PAH: variants seen among roughly 807,000 people sequenced by gnomAD.
PAH encodes phenylalanine hydroxylase, also known as phenylalanine-4-hydroxylase.
PAH carries 64 observed loss-of-function variants against 62.0 expected under a neutral mutation model. The observed-to-expected ratio is 1.03, with a 90% CI of 0.84 to 1.27. PAH has a LOEUF of 1.27. PAH is among the 50% of genes most tolerant of loss of function. The pLI is 0.00. For synonymous variants in PAH, 195 were observed against 196.2 expected (o/e 0.99, Z 0.05); for missense variants, 579 against 542.8 (o/e 1.07, Z -0.66).
chr12:102,849,193 T>TG (rs1292246691), intron 8 of PAH, among the ~76,000 whole-genome samples: 1 of 152,132 alleles, frequency 6.6e-6, no homozygotes, highest in Admixed American at 6.6e-5. Context: ...AGATTGGCTG[T>TG]GGGGTTAAGA....
Position 102,912,797 on chromosome 12 carries a change from T to G in PAH, c.162A>C (p.Leu54Phe), listed in dbSNP as rs143358918. 2 of 1,607,868 alleles carry G rather than the reference T, an allele frequency of 1.2e-6. No homozygotes were observed. Among genetic ancestry groups the G allele is most frequent in the Non-Finnish European group, 1.7e-6 (2 of 1,174,342 alleles). Residue 54 changes from leucine to phenylalanine, a missense_variant, in exon 2 of 13, where the codon TTA (leucine) becomes TTC (phenylalanine). Coordinates refer to ENST00000553106, the MANE Select transcript of PAH (RefSeq NM_000277.3). ...EVGALAKVLRLFEENDVNLTH... is the reference protein window; with the variant it reads ...EVGALAKVLRFFEENDVNLTH... Reference sequence around the variant, plus strand: ...ACATGATTGTAGCACTGACCTCAAATAAGCGCAATACTTTGGCCAATGCAC... The same window carrying G: ...ACATGATTGTAGCACTGACCTCAAAGAAGCGCAATACTTTGGCCAATGCAC...
At chr12:102,866,807 A>T (rs1382875216) in intron 4 of PAH, 144 bp from the exon 5 acceptor site, 2 of 739,602 alleles carry the variant, frequency 2.7e-6, no homozygotes, top group Non-Finnish European at 4.9e-6. Context: ...AGTCTCGGTT[A>T]AACTTAGCTC....
chr12:102,873,241 T>G (rs1876431636), intron 4 of PAH, among the ~76,000 whole-genome samples: 2 of 152,188 alleles, frequency 1.3e-5, no homozygotes, highest in Non-Finnish European at 2.9e-5. Context: ...TTGCAGTTAG[T>G]AGTGGGCACG....
In PAH at chr12:102,838,335, A is replaced by G. The variant is rs1292666656; in HGVS notation, c.*840T>C. On this transcript the variant is annotated 3_prime_UTR_variant, in exon 13 of 13. Transcript: ENST00000553106. ...AAACAGTGAAATTGTTTAAACTACT[A>G]ATGTTTTATTACTAATACAAATAAA... 6.6e-6 allele frequency: 1 copy of G among 152,234 alleles called. No homozygotes were observed. The highest frequency in any genetic ancestry group is 1.5e-5 in the Non-Finnish European group (1 of 68,048). 9.4% of individuals were successfully genotyped at this position (152,234 alleles called of 1,614,324 possible). A position where few individuals can be genotyped will look rare whatever the true frequency, so the allele number is the denominator to read the frequency against.
At chr12:102,839,716 T>C (rs536681015) in intron 12 of PAH, among the ~76,000 whole-genome samples, 2 of 152,362 alleles carry the variant, frequency 1.3e-5, no homozygotes, top group Non-Finnish European at 2.9e-5. Flanking sequence ...TTAGAATCCA[T>C]GGTCTAAGCA....
chr12:102,940,180 G>A (rs1879242621), intron 1 of PAH, among the ~76,000 whole-genome samples: 1 of 152,190 alleles, frequency 6.6e-6, no homozygotes, highest in Non-Finnish European at 1.5e-5. Context: ...GAAGCCAATT[G>A]ACTGCTCAAA....
At chr12:102,873,539 G>T (rs1412982877) in intron 4 of PAH, among the ~76,000 whole-genome samples, 1 of 152,192 alleles carries the variant, frequency 6.6e-6, no homozygotes, top group African/African-American at 2.4e-5. Context: ...TGCTCTGGTT[G>T]CTAGAGGGCT....
intron 1 of PAH, among the ~76,000 whole-genome samples, chr12:102,942,156 A>G (rs2136763523): frequency 6.6e-6 from 1 of 152,270 alleles, no homozygotes; most frequent in Admixed American, 6.5e-5. Flanking sequence ...TTATGATCCT[A>G]TACCAAGAAA....
intron 1 of PAH, among the ~76,000 whole-genome samples, chr12:102,927,703 C>A (rs377357942): frequency 7.0e-4 from 106 of 152,190 alleles, no homozygotes; most frequent in African/African-American, 2.4e-3. Context: ...ACAATTTACA[C>A]AATTAAGCTA....
chr12:102,900,743 A>G (rs1313180990), intron 2 of PAH, among the ~76,000 whole-genome samples: 1 of 152,244 alleles, frequency 6.6e-6, no homozygotes, highest in Non-Finnish European at 1.5e-5. Flanking sequence ...AAGTTAATTT[A>G]CAAGCCTGAT....
In PAH at chr12:102,882,708, A is replaced by G. The variant is rs79782797; in HGVS notation, c.353-5158T>C. ...TTTTCTACTGTATCCTTAGCTTATCATAGCAGAGAGCAGAGTGGAAAGTTT... is the reference window on the plus strand; with the variant it reads ...TTTTCTACTGTATCCTTAGCTTATCGTAGCAGAGAGCAGAGTGGAAAGTTT... On this transcript the variant is annotated intron_variant, in intron 3 of 12. Coordinates refer to ENST00000553106, the MANE Select transcript of PAH (RefSeq NM_000277.3). Among the ~76,000 whole-genome samples the G allele has an allele frequency of 4.7e-3, 693 of 147,894 alleles. 7 individuals carry two copies. Among genetic ancestry groups the G allele is most frequent in the African/African-American group, 0.016 (660 of 40,298 alleles).
At chr12:102,872,954 G>C (rs1381630710) in intron 4 of PAH, among the ~76,000 whole-genome samples, 1 of 152,186 alleles carries the variant, frequency 6.6e-6, no homozygotes, top group African/African-American at 2.4e-5. Context: ...GGCAGCAAGA[G>C]TGAAACTCCA....
chr12:102,905,065 G>A (rs35823784), intron 2 of PAH, among the ~76,000 whole-genome samples: 18,271 of 152,098 alleles, frequency 0.12, 1,423 homozygotes, highest in Admixed American at 0.22. Flanking sequence ...AATAAAACAC[G>A]TGAAAGGGGT....
intron 5 of PAH, among the ~76,000 whole-genome samples, chr12:102,862,220 G>A (rs769290548): frequency 4.1e-4 from 63 of 152,126 alleles, no homozygotes; most frequent in Admixed American, 6.6e-4. Flanking sequence ...ATACTATGTG[G>A]CCATAAAAAA....
intron 1 of PAH, among the ~76,000 whole-genome samples, chr12:102,928,566 C>T (rs2136746235): frequency 6.6e-6 from 1 of 152,210 alleles, no homozygotes; most frequent in Admixed American, 6.5e-5. Context: ...CTGACCCTTG[C>T]AGGGACTTGG....
At chr12:102,914,978 C>T (rs1878331484) in intron 1 of PAH, among the ~76,000 whole-genome samples, 2 of 152,188 alleles carry the variant, frequency 1.3e-5, no homozygotes, top group Admixed American at 1.3e-4. Flanking sequence ...TACTCTTGTC[C>T]TTCTATTTAG....
chr12:102,888,204 C>G (rs1436881200), intron 3 of PAH, among the ~76,000 whole-genome samples: 1 of 152,134 alleles, frequency 6.6e-6, no homozygotes, highest in Non-Finnish European at 1.5e-5. Flanking sequence ...CACAACCACA[C>G]TGGTACCTGG....
intron 3 of PAH, among the ~76,000 whole-genome samples, chr12:102,891,231 T>A (rs1407126283): frequency 6.6e-6 from 1 of 152,198 alleles, no homozygotes; most frequent in Non-Finnish European, 1.5e-5. Flanking sequence ...TGTCTTCCCC[T>A]TTGCCAGGCT....
intron 3 of PAH, among the ~76,000 whole-genome samples, chr12:102,878,513 C>A (rs749765060): frequency 6.6e-6 from 1 of 152,008 alleles, no homozygotes; most frequent in Non-Finnish European, 1.5e-5. Flanking sequence ...AGATACATTG[C>A]AGGTGAAATT....
Sources: allele counts gnomAD v4.1 joint callset (sites outside exome capture counted in the v4.1 genomes callset), GRCh38; gene constraint gnomAD v4.1.1; transcripts MANE v1.5; gene names NCBI Gene and HGNC (gene_info 2026-07-23, HGNC 2026-07-21).